The following LRRTM4 variants were observed in gnomAD, a reference collection of about 807,000 sequenced individuals.
LRRTM4 encodes leucine-rich repeat transmembrane neuronal protein 4.
In LRRTM4, 25 loss-of-function variants were observed where a neutral mutation model predicts 47.6. The observed-to-expected ratio is 0.53, with a 90% CI of 0.38 to 0.73. The LOEUF is 0.73. Among genes scored for constraint, LRRTM4 ranks in the 30% least tolerant of loss-of-function variants. The pLI, the probability that LRRTM4 is intolerant of heterozygous loss-of-function variation, is 0.00. For synonymous variants in LRRTM4, 311 were observed against 269.5 expected (o/e 1.15, Z -1.51); for missense variants, 638 against 713.4 (o/e 0.89, Z 1.20).
chr2:77,504,064 A>G (rs1008719559), intron 3 of LRRTM4, among the ~76,000 whole-genome samples: 5 of 151,640 alleles, frequency 3.3e-5, no homozygotes, highest in Admixed American at 6.6e-5. Flanking sequence ...GCAGTAATAG[A>G]GGAGAATTTA....
At chr2:77,294,361 C>A (rs1676911761) in intron 3 of LRRTM4, among the ~76,000 whole-genome samples, 1 of 151,922 alleles carries the variant, frequency 6.6e-6, no homozygotes. Flanking sequence ...CCCTGCTAAA[C>A]AAAAATTAGA....
At chr2:77,421,419 G>T (rs1472172043) in intron 3 of LRRTM4, among the ~76,000 whole-genome samples, 1 of 152,106 alleles carries the variant, frequency 6.6e-6, no homozygotes, top group Non-Finnish European at 1.5e-5. Flanking sequence ...CTGGAAGGAA[G>T]AGTCCAGGCC....
intron 3 of LRRTM4, among the ~76,000 whole-genome samples, chr2:77,469,303 T>C (rs1389551608): frequency 6.6e-6 from 1 of 152,218 alleles, no homozygotes; most frequent in Non-Finnish European, 1.5e-5. Flanking sequence ...CAGAAGCGTC[T>C]TTATTTCACA....
At chr2:76,792,377 G>A (rs1675020851) in intron 3 of LRRTM4, among the ~76,000 whole-genome samples, 1 of 152,100 alleles carries the variant, frequency 6.6e-6, no homozygotes, top group South Asian at 2.1e-4. Context: ...AGTGGTTATA[G>A]AAGGCTAATG....
intron 3 of LRRTM4, among the ~76,000 whole-genome samples, chr2:76,805,302 G>A (rs896722328): frequency 5.3e-5 from 8 of 152,084 alleles, no homozygotes; most frequent in Admixed American, 5.2e-4. Context: ...CCAAAATTGT[G>A]TTGGCATCAA....
chr2:77,469,381 G>C (rs1351329278), intron 3 of LRRTM4, among the ~76,000 whole-genome samples: 1 of 151,062 alleles, frequency 6.6e-6, no homozygotes, highest in Non-Finnish European at 1.5e-5. Context: ...TGTCAGGGGG[G>C]CAGGAAAAAA....
At chr2:77,345,838 G>GTA (rs1216126218) in intron 3 of LRRTM4, among the ~76,000 whole-genome samples, 113 of 148,770 alleles carry the variant, frequency 7.6e-4, no homozygotes, top group South Asian at 7.2e-3. Flanking sequence ...ATATGTGTGT[G>GTA]TATATATATA....
chr2:77,486,336 CA>C (rs1262199805), intron 3 of LRRTM4, among the ~76,000 whole-genome samples: 1 of 152,098 alleles, frequency 6.6e-6, no homozygotes, highest in Admixed American at 6.5e-5. Flanking sequence ...CAGGGCAGAG[CA>C]GTTGGTAAAT....
chr2:77,128,303 A>G (rs942780486), intron 3 of LRRTM4, among the ~76,000 whole-genome samples: 2 of 152,138 alleles, frequency 1.3e-5, no homozygotes, highest in African/African-American at 4.8e-5. Context: ...AGCAGTTGGT[A>G]TGATTTGACT....
intron 3 of LRRTM4, among the ~76,000 whole-genome samples, chr2:77,232,989 T>C (rs1420775776): frequency 6.6e-6 from 1 of 152,196 alleles, no homozygotes; most frequent in African/African-American, 2.4e-5. Flanking sequence ...AAAAGAAAAT[T>C]ACATTTGTGC....
rs149426000 is a variant in LRRTM4 at position 77,446,347 on chromosome 2, T to C, written c.1551+71971A>G. Among the ~76,000 whole-genome samples the C allele has an allele frequency of 6.9e-3, 1,057 of 152,114 alleles. 6 individuals are homozygous for C. The highest frequency in any genetic ancestry group is 9.1e-3 in the African/African-American group (380 of 41,542). ...GCACATTCTTCCTGCTGAGGTGTAA[T>C]AATGTTTCCATAAATTGTCCATTAT... On this transcript the variant is annotated intron_variant, in intron 3 of 3. Transcript: ENST00000409884.
intron 3 of LRRTM4, among the ~76,000 whole-genome samples, chr2:76,911,827 C>G (rs925937774): frequency 6.7e-6 from 1 of 149,194 alleles, no homozygotes; most frequent in Non-Finnish European, 1.5e-5. Context: ...TGTGTGTGTG[C>G]CTGTGTGTGT....
chr2:76,836,083 G>A (rs1317241905), intron 3 of LRRTM4, among the ~76,000 whole-genome samples: 2 of 151,126 alleles, frequency 1.3e-5, no homozygotes, highest in African/African-American at 4.9e-5. Flanking sequence ...GAATACCAAT[G>A]ACTCTCTTCC....
intron 3 of LRRTM4, among the ~76,000 whole-genome samples, chr2:76,812,786 C>CTCCCTCCCCCCTTCCTCCTCCTT (rs1558670804): frequency 8.6e-6 from 1 of 115,672 alleles, no homozygotes. Context: ...CCCTCCTCCT[C>CTCCCTCCCCCCTTCCTCCTCCTT]TCCCTCCCCC....
chr2:76,885,757 G>A (rs1205473141), intron 3 of LRRTM4, among the ~76,000 whole-genome samples: 2 of 152,052 alleles, frequency 1.3e-5, no homozygotes, highest in African/African-American at 4.8e-5. Flanking sequence ...GAGTCACCGC[G>A]CCCGGCCAAA....
At chr2:76,777,169 G>A (rs1674054537) in intron 3 of LRRTM4, among the ~76,000 whole-genome samples, 1 of 150,704 alleles carries the variant, frequency 6.6e-6, no homozygotes, top group Admixed American at 6.6e-5. Flanking sequence ...TAGCCTTGCA[G>A]TATAGTTTGA....
chr2:77,304,148 G>C (rs187650755), intron 3 of LRRTM4, among the ~76,000 whole-genome samples: 1 of 152,188 alleles, frequency 6.6e-6, no homozygotes, highest in Admixed American at 6.5e-5. Context: ...CATTCTAACA[G>C]AAATGAAGTG....
chr2:77,101,587 T>C (rs1476561244), intron 3 of LRRTM4, among the ~76,000 whole-genome samples: 1 of 152,208 alleles, frequency 6.6e-6, no homozygotes. Context: ...TAAATCTAGT[T>C]ATGCTCTTTA....
At chr2:77,412,871 C>T (rs551239161) in intron 3 of LRRTM4, among the ~76,000 whole-genome samples, 1 of 152,226 alleles carries the variant, frequency 6.6e-6, no homozygotes, top group Non-Finnish European at 1.5e-5. Context: ...TTTTGTGACT[C>T]AGTTTTTTTA....
Sources: allele counts gnomAD v4.1 joint callset (sites outside exome capture counted in the v4.1 genomes callset), GRCh38; gene constraint gnomAD v4.1.1; transcripts MANE v1.5; gene names NCBI Gene and HGNC (gene_info 2026-07-23, HGNC 2026-07-21).